Variants in ZYG11B observed in about 807,000 individuals in gnomAD.
ZYG11B encodes the protein protein zyg-11 homolog B.
Under a neutral mutation model 82.4 loss-of-function variants are expected in ZYG11B, and 36 were observed. That is an observed-to-expected ratio of 0.44 (90% confidence interval 0.33 to 0.58). The LOEUF is 0.58. ZYG11B is among the 20% of genes least tolerant of loss of function. The pLI is 0.02. For synonymous variants in ZYG11B, 303 were observed against 312.8 expected (o/e 0.97, Z 0.33); for missense variants, 552 against 895.6 (o/e 0.62, Z 4.90).
At chr1:52,766,917 A>C (rs1417233012) in intron 2 of ZYG11B, among the ~76,000 whole-genome samples, 1 of 151,850 alleles carries the variant, frequency 6.6e-6, no homozygotes, top group African/African-American at 2.4e-5. Flanking sequence ...CTGAGGCGGG[A>C]GAATGGTGTG....
chr1:52,733,495 G>A (rs1644351426), intron 1 of ZYG11B, among the ~76,000 whole-genome samples: 1 of 152,038 alleles, frequency 6.6e-6, no homozygotes, highest in Non-Finnish European at 1.5e-5. Context: ...ACAAGATAGT[G>A]AGACCCTATC....
intron 6 of ZYG11B, among the ~76,000 whole-genome samples, chr1:52,793,864 T>TTCCTTCCTTCCTTCCTTCCTTCC (rs1644979620): frequency 1.3e-5 from 1 of 76,694 alleles, no homozygotes; most frequent in African/African-American, 1.3e-4. Context: ...CTTCCTTTTC[T>TTCCTTCCTTCCTTCCTTCCTTCC]TTCTTTCCTT....
chr1:52,738,114 C>T (rs1481449466), intron 1 of ZYG11B, among the ~76,000 whole-genome samples: 2 of 152,206 alleles, frequency 1.3e-5, no homozygotes, highest in Non-Finnish European at 2.9e-5. Flanking sequence ...GGTGTTCTTC[C>T]AGAGAGTAGA....
At chr1:52,726,992 C>T (rs564207434) in intron 1 of ZYG11B, among the ~76,000 whole-genome samples, 1 of 151,684 alleles carries the variant, frequency 6.6e-6, no homozygotes, top group Admixed American at 6.6e-5. Context: ...AACCCTAACC[C>T]TTCCTTTCTT....
intron 8 of ZYG11B, among the ~76,000 whole-genome samples, chr1:52,799,664 A>G (rs1645059327): frequency 6.6e-6 from 1 of 151,928 alleles, no homozygotes; most frequent in South Asian, 2.1e-4. Context: ...GTGTGGTGGT[A>G]CGCATCTGTA....
intron 2 of ZYG11B, among the ~76,000 whole-genome samples, chr1:52,770,525 A>T (rs774337076): frequency 2.0e-5 from 3 of 152,184 alleles, no homozygotes; most frequent in Admixed American, 6.6e-5. Context: ...TCCATAGAGG[A>T]TTCTGCTTCA....
chr1:52,802,378 C>T (rs560072557), intron 10 of ZYG11B, among the ~76,000 whole-genome samples: 8 of 120,660 alleles, frequency 6.6e-5, no homozygotes, highest in African/African-American at 2.5e-4. Context: ...GACAGGGTCT[C>T]ACTTTGTTGC....
At chr1:52,759,450 C>G (rs2149931646) in intron 2 of ZYG11B, among the ~76,000 whole-genome samples, 1 of 152,268 alleles carries the variant, frequency 6.6e-6, no homozygotes, top group South Asian at 2.1e-4. Context: ...TTAAGCAAGT[C>G]TAACTAAATA....
At chr1:52,745,268 G>T (rs907819432) in intron 1 of ZYG11B, among the ~76,000 whole-genome samples, 9 of 152,200 alleles carry the variant, frequency 5.9e-5, no homozygotes, top group African/African-American at 2.2e-4. Context: ...GGAGCATTTA[G>T]GAAGACCAAT....
intron 1 of ZYG11B, among the ~76,000 whole-genome samples, chr1:52,742,722 G>A (rs1382391596): frequency 6.6e-6 from 1 of 151,768 alleles, no homozygotes; most frequent in African/African-American, 2.4e-5. Flanking sequence ...GGCGCCTGTA[G>A]TCCCAGCTTC....
At chr1:52,792,312 A>G (rs544512277) in intron 6 of ZYG11B, among the ~76,000 whole-genome samples, 1 of 152,316 alleles carries the variant, frequency 6.6e-6, no homozygotes, top group East Asian at 1.9e-4. Context: ...GTGCCCCCAC[A>G]CAAGGAAGGA....
At chr1:52,777,390 A>G (rs893768666) in intron 3 of ZYG11B, among the ~76,000 whole-genome samples, 5 of 152,170 alleles carry the variant, frequency 3.3e-5, no homozygotes, top group Non-Finnish European at 7.3e-5. Flanking sequence ...TGAAATGTCA[A>G]CCATGATACA....
chr1:52,792,352 G>C (rs574999005), intron 6 of ZYG11B, among the ~76,000 whole-genome samples: 1 of 152,256 alleles, frequency 6.6e-6, no homozygotes, highest in East Asian at 1.9e-4. Context: ...GATCATTAAG[G>C]ATTTCCTGTT....
At chr1:52,807,094 C>G (rs1282141083) in intron 10 of ZYG11B, among the ~76,000 whole-genome samples, 1 of 151,986 alleles carries the variant, frequency 6.6e-6, no homozygotes, top group East Asian at 1.9e-4. Context: ...GTCTCAAACT[C>G]CTGACCTCAT....
intron 13 of ZYG11B, among the ~76,000 whole-genome samples, chr1:52,817,479 C>T (rs1328803696): frequency 6.6e-6 from 1 of 151,800 alleles, no homozygotes; most frequent in Non-Finnish European, 1.5e-5. Context: ...GCAACCTTGA[C>T]GTCCAGGCTC....
intron 4 of ZYG11B, among the ~76,000 whole-genome samples, chr1:52,781,577 A>G (rs977597908): frequency 1.3e-5 from 2 of 152,194 alleles, no homozygotes; most frequent in East Asian, 3.8e-4. Context: ...AGGCACAGGA[A>G]TCTACGTTTT....
At chr1:52,753,645 G>A (rs557458386) in intron 1 of ZYG11B, among the ~76,000 whole-genome samples, 40 of 151,902 alleles carry the variant, frequency 2.6e-4, no homozygotes, top group African/African-American at 4.1e-4. Context: ...TGCCCAGGCC[G>A]GAGTGCAATG....
At chr1:52,802,340 C>CTTTTT (rs397980205) in intron 10 of ZYG11B, among the ~76,000 whole-genome samples, 13 of 78,066 alleles carry the variant, frequency 1.7e-4, no homozygotes, top group Non-Finnish European at 2.3e-4. Context: ...TTCTTTCTCT[C>CTTTTT]TTTTTTTTTT....
chr1:52,786,841 A>G (rs1644917214), intron 5 of ZYG11B, among the ~76,000 whole-genome samples: 1 of 151,566 alleles, frequency 6.6e-6, no homozygotes, highest in Non-Finnish European at 1.5e-5. Context: ...CTGTAATCCC[A>G]GCACTTTGGG....
Sources: allele counts gnomAD v4.1 joint callset (sites outside exome capture counted in the v4.1 genomes callset), GRCh38; gene constraint gnomAD v4.1.1; transcripts MANE v1.5; gene names NCBI Gene and HGNC (gene_info 2026-07-23, HGNC 2026-07-21).